DBH: variants seen among roughly 807,000 people sequenced by gnomAD.
DBH encodes the protein dopamine beta-hydroxylase (dopamine beta-monooxygenase).
DBH carries 49 observed loss-of-function variants against 64.0 expected under a neutral mutation model. That is an observed-to-expected ratio of 0.77 (90% CI 0.61 to 0.97). The LOEUF is 0.97. DBH is among the 50% of genes least tolerant of loss of function. The probability of loss-of-function intolerance (pLI) is 0.00; values close to 1 mark genes in which losing one functional copy is unlikely to be tolerated. For missense variants in DBH, 828 were observed against 826.6 expected, an observed-to-expected ratio of 1.00 and a Z score of -0.02; for synonymous variants, 343 against 347.1, an observed-to-expected ratio of 0.99 and a Z score of 0.13.
At chr9:133,638,210 T>C (rs1832075164) in intron 1 of DBH, among the ~76,000 whole-genome samples, 1 of 152,244 alleles carries the variant, frequency 6.6e-6, no homozygotes, top group African/African-American at 2.4e-5. Context: ...AAGCAATATG[T>C]TCAACTAATA....
chr9:133,648,983 C>T (rs1051109533), intron 6 of DBH, among the ~76,000 whole-genome samples: 1 of 152,244 alleles, frequency 6.6e-6, no homozygotes, highest in East Asian at 1.9e-4. Flanking sequence ...AAATGCCCCT[C>T]AGAAAGCCCA....
intron 1 of DBH, among the ~76,000 whole-genome samples, chr9:133,639,242 A>G (rs890889938): frequency 6.6e-6 from 1 of 151,630 alleles, no homozygotes; most frequent in African/African-American, 2.4e-5. Context: ...AAAAAAAAAA[A>G]AAATCCAAAA....
At chr9:133,658,210 TGA>T in intron 11 of DBH, 104 bp from the exon 12 acceptor site, 2 of 1,484,354 alleles carry the variant, frequency 1.3e-6, no homozygotes, top group Middle Eastern at 1.8e-4. Flanking sequence ...TGAGACAAGC[TGA>T]GTTTGAGGGC....
In DBH at chr9:133,657,461, AGAG is replaced by A. The variant is rs1468086177; in HGVS notation, c.1722+234_1722+236del. The stretch of plus-strand genomic sequence containing the variant: ...GAGAGAGGAGAGAGAGGAGAGAGGG[AGAG>A]GGAGAGAGGGAGAGGGAGAGAGGAG... On this transcript the variant is annotated intron_variant, in intron 11 of 11. Transcript: ENST00000393056. The A allele has an allele frequency of 2.6e-3, 1,062 of 409,548 alleles. 12 individuals carry two copies. The highest frequency in any genetic ancestry group is 0.025 in the African/African-American group (863 of 34,560). 25.4% of individuals were successfully genotyped at this position (409,548 alleles called of 1,614,324 possible). A position where few individuals can be genotyped will look rare whatever the true frequency, so the allele number is the denominator to read the frequency against.
rs957511631 is a variant in DBH at position 133,643,198 on chromosome 9, G to A, written c.745-215G>A. On this transcript the variant is annotated intron_variant, in intron 3 of 11. Coordinates refer to ENST00000393056, the MANE Select transcript of DBH (RefSeq NM_000787.4). This position sits in a 1 kb window ranked among gnomAD's most constrained non-coding sequence, Gnocchi z 5.3. ...GTCCTGTCCCTGCCTTGGCCTGTACGAACCTCATTTCCTTCACTCTGGAGC... is the reference window on the plus strand; with the variant it reads ...GTCCTGTCCCTGCCTTGGCCTGTACAAACCTCATTTCCTTCACTCTGGAGC... Among the ~76,000 whole-genome samples, 7 of 107,800 alleles carry A rather than the reference G, an allele frequency of 6.5e-5. No individual in the cohort carries two copies. The highest frequency in any genetic ancestry group is 2.1e-4 in the East Asian group (1 of 4,728). The allele number at this position is 107,800 out of a possible 152,430, so 70.7% of individuals were successfully genotyped here. A position where few individuals can be genotyped will look rare whatever the true frequency, so the allele number is the denominator to read the frequency against.
intron 9 of DBH, among the ~76,000 whole-genome samples, chr9:133,654,122 TA>T (rs1182648313): frequency 1.6e-5 from 2 of 127,264 alleles, no homozygotes; most frequent in Non-Finnish European, 1.6e-5. Context: ...TTTTATATTT[TA>T]TTTTTTTTTG....
In DBH at chr9:133,639,832, G is replaced by T. The variant is rs769553743; in HGVS notation, c.340-14G>T. 2 of 1,607,136 alleles carry T rather than the reference G, an allele frequency of 1.2e-6. No homozygotes were observed. The highest frequency in any genetic ancestry group is 8.5e-7 in the Non-Finnish European group (1 of 1,177,846). On this transcript the variant is annotated splice_polypyrimidine_tract_variant and intron_variant, in intron 1 of 11. Transcript: ENST00000393056. ...GGCTCCTTCATGCCTGGAGCCCAGT[G>T]CTTGTCTCTGCAGGACGCCTGGAGT...
intron 11 of DBH, 181 bp downstream of exon 11, chr9:133,657,410 AGAGAGGAG>A: frequency 1.6e-4 from 4 of 25,522 alleles, no homozygotes; most frequent in Non-Finnish European, 3.9e-4. Context: ...GAGAGAGAGG[AGAGAGGAG>A]AGAGAGGAGA....
chr9:133,654,167 G>A (rs1832285867), intron 9 of DBH, among the ~76,000 whole-genome samples: 1 of 151,790 alleles, frequency 6.6e-6, no homozygotes, highest in Non-Finnish European at 1.5e-5. Flanking sequence ...CAGGCTGTGT[G>A]TTCTCAGCTT....
In DBH at chr9:133,658,475, A is replaced by G. The variant is rs1363098415; in HGVS notation, c.*28A>G. ...GGGGACCTACTCCTCCCCCTCCTCC[A>G]TGCTGTCCCTGTGGGCTCACACCGG... On this transcript the variant is annotated 3_prime_UTR_variant, in exon 12 of 12. Transcript: ENST00000393056. 6.3e-7 allele frequency: 1 copy of G among 1,588,580 alleles called. No homozygotes were observed. Among genetic ancestry groups the G allele is most frequent in the Admixed American group, 1.7e-5 (1 of 57,674 alleles).
rs776872469 is a variant in DBH at position 133,658,317 on chromosome 9, G to A, written c.1724G>A (p.Gly575Asp). 6.2e-7 allele frequency: 1 copy of A among 1,613,784 alleles called. No homozygotes were observed. Among genetic ancestry groups the A allele is most frequent in the African/African-American group, 1.3e-5 (1 of 74,894 alleles). The part of the protein sequence containing the change: ...CNKSSAVRFQ[G>D]EWNLQPLPKV... ...TACCTCCTGCCCCCTTCCTTGCAGG[G>A]TGAATGGAACCTGCAGCCCCTGCCC... Residue 575 changes from glycine to aspartate, a missense_variant and splice_region_variant, in exon 12 of 12, where the codon GGT becomes GAT. Gly to Asp is a moderately conservative substitution (Grantham distance 94). Coordinates refer to ENST00000393056, the MANE Select transcript of DBH (RefSeq NM_000787.4).
In DBH at chr9:133,651,635, C is replaced by G. The variant is rs996506822; in HGVS notation, c.1193C>G (p.Ala398Gly). 6.2e-7 allele frequency: 1 copy of G among 1,613,560 alleles called. No homozygotes were observed. Among genetic ancestry groups the G allele is most frequent in the Non-Finnish European group, 8.5e-7 (1 of 1,180,012 alleles). The change falls in exon 7 of 12, where the codon GCA (alanine) becomes GGA (glycine). Residue 398 changes from alanine (A) to glycine (G), a missense_variant and splice_region_variant. Physicochemically the swap from Ala to Gly is moderately conservative, Grantham distance 60 (BLOSUM62 0). Coordinates refer to ENST00000393056, the MANE Select transcript of DBH (RefSeq NM_000787.4). ...CACTGCAGCCCCCCGACCCCACAGG[C>G]ACTGCCTCCCTCCGGGATCCACATC... ...GYCTDKCTQL[A>G]LPPSGIHIFA...
intron 2 of DBH, 21 bp from the exon 3 acceptor site, chr9:133,642,186 T>A: frequency 6.2e-7 from 1 of 1,611,996 alleles, no homozygotes; most frequent in Non-Finnish European, 8.5e-7. Context: ...GGCGACCAGC[T>A]GAACCCTGTC....
In DBH at chr9:133,642,737, G is replaced by A. The variant is rs148200514; in HGVS notation, c.744+273G>A. On this transcript the variant is annotated intron_variant, in intron 3 of 11. Transcript: ENST00000393056. ...CATCTTGACTTCTGCATCTTTCCTT[G>A]GGACTGGAACTGCTGTCTGTCTGCC... Among the ~76,000 whole-genome samples the A allele has an allele frequency of 2.1e-3, 324 of 152,256 alleles. 5 individuals are homozygous for A. Among genetic ancestry groups the A allele is most frequent in the East Asian group, 2.1e-3 (11 of 5,168 alleles).
chr9:133,657,098 C>T lies in DBH; in HGVS notation c.1591C>T (p.Pro531Ser). The T allele has an allele frequency of 6.2e-7, 1 of 1,614,038 alleles. No individual in the cohort carries two copies. The highest frequency in any genetic ancestry group is 1.3e-5 in the African/African-American group (1 of 75,064). The change falls in exon 11 of 12, where the codon CCT becomes TCT. Residue 531 changes from proline to serine, a missense_variant. By Grantham distance (74) the Pro-to-Ser change is moderately conservative. Transcript: ENST00000393056. ...CAACAACGAGGATGTCTGCACCTGC[C>T]CTCAGGCGTCCGTGTCTCAGCAGTT... ...RFNNEDVCTC[P>S]QASVSQQFTS... is the part of the protein sequence containing the mutation.
rs200836975 is a variant in DBH, at chr9:133,657,028, C to T, written c.1563-42C>T. 90 of 1,611,364 alleles carry T rather than the reference C, an allele frequency of 5.6e-5. No homozygotes were observed. In the African/African-American group the frequency reaches 6.9e-4, roughly 12 times the overall value. ...GCTGGTGCCCACTGGGCTCCCTGCCCGTCAGCTGCTCCCCAGCCTGGCTGT... is the reference window on the plus strand; with the variant it reads ...GCTGGTGCCCACTGGGCTCCCTGCCTGTCAGCTGCTCCCCAGCCTGGCTGT... On this transcript the variant is annotated intron_variant, in intron 10 of 11. Transcript: ENST00000393056.
chr9:133,652,329 G>T, intron 8 of DBH, 45 bp downstream of exon 8: 1 of 1,605,356 alleles, frequency 6.2e-7, no homozygotes. Flanking sequence ...GCCACCAGCT[G>T]GGGTGGCTGA....
chr9:133,648,036 T>C (rs1186808421), intron 6 of DBH, 24 bp downstream of exon 6: 4 of 1,603,532 alleles, frequency 2.5e-6, no homozygotes, highest in East Asian at 2.2e-5. Context: ...GGCCCGGCAC[T>C]GCACCCTCCC....
Position 133,658,364 on chromosome 9 carries a change from G to C in DBH, c.1771G>C (p.Glu591Gln). The change falls in exon 12 of 12, where the codon GAG becomes CAG. Residue 591 changes from glutamate to glutamine, a missense_variant. Coordinates refer to ENST00000393056, the MANE Select transcript of DBH (RefSeq NM_000787.4). ...PLPKVISTLE[E>Q]PTPQCPTSQG... ...GCCCAAGGTCATCTCCACACTGGAA[G>C]AGCCCACCCCACAGTGCCCCACCAG... 1 of 1,613,922 alleles carries C rather than the reference G, an allele frequency of 6.2e-7. No homozygotes were observed. The highest frequency in any genetic ancestry group is 8.5e-7 in the Non-Finnish European group (1 of 1,179,922).
Sources: gnomAD v4.1 joint callset for allele counts (sites outside exome capture counted in the v4.1 genomes callset) on GRCh38, gnomAD v4.1.1 for gene constraint, Gnocchi (gnomAD v3.1) non-coding constraint, MANE v1.5 for transcripts, NCBI Gene and HGNC (gene_info 2026-07-23, HGNC 2026-07-21) for gene names.